The following GPC5 variants were observed in gnomAD, a reference collection of about 807,000 sequenced individuals.
GPC5 encodes glypican-5.
GPC5 carries 47 observed loss-of-function variants against 53.9 expected under a neutral mutation model. The observed-to-expected ratio is 0.87, with a 90% CI of 0.69 to 1.11. GPC5 has a LOEUF of 1.11. GPC5 is among the 50% of genes most tolerant of loss of function. The probability of loss-of-function intolerance (pLI) is 0.00; values close to 1 mark genes in which losing one functional copy is unlikely to be tolerated. For synonymous variants in GPC5, 286 were observed against 263.3 expected (o/e 1.09, Z -0.84); for missense variants, 748 against 713.1 (o/e 1.05, Z -0.56).
At chr13:92,370,831 C>A (rs2043644365) in intron 7 of GPC5, among the ~76,000 whole-genome samples, 1 of 151,972 alleles carries the variant, frequency 6.6e-6, no homozygotes, top group African/African-American at 2.4e-5. Context: ...ACTTATATTT[C>A]AGAACACATT....
intron 5 of GPC5, among the ~76,000 whole-genome samples, chr13:91,814,844 G>A (rs2038375820): frequency 6.6e-6 from 1 of 152,110 alleles, no homozygotes; most frequent in African/African-American, 2.4e-5. Flanking sequence ...CCTGGCCACA[G>A]CTTTATTTTT....
chr13:92,423,894 T>G (rs1876700884), intron 7 of GPC5, among the ~76,000 whole-genome samples: 1 of 152,158 alleles, frequency 6.6e-6, no homozygotes, highest in African/African-American at 2.4e-5. Context: ...CAGAGCCGCG[T>G]TAAACAGATA....
At chr13:91,542,634 G>C (rs898641715) in intron 2 of GPC5, among the ~76,000 whole-genome samples, 1 of 152,112 alleles carries the variant, frequency 6.6e-6, no homozygotes, top group East Asian at 1.9e-4. Context: ...CTTAGGGCTC[G>C]TCATGTGTTC....
At chr13:92,128,281 G>C (rs1380602701) in intron 6 of GPC5, among the ~76,000 whole-genome samples, 1 of 152,052 alleles carries the variant, frequency 6.6e-6, no homozygotes, top group African/African-American at 2.4e-5. Flanking sequence ...TATAGAGAGT[G>C]GTTCATAGTA....
intron 7 of GPC5, among the ~76,000 whole-genome samples, chr13:92,513,068 T>C (rs1344678570): frequency 6.6e-6 from 1 of 152,352 alleles, no homozygotes; most frequent in Non-Finnish European, 1.5e-5. Flanking sequence ...TGTACCTTTG[T>C]GCTGGTGTAT....
intron 7 of GPC5, among the ~76,000 whole-genome samples, chr13:92,203,308 T>C (rs2042308083): frequency 6.7e-6 from 1 of 149,424 alleles, no homozygotes; most frequent in East Asian, 2.0e-4. Flanking sequence ...TATGCAGACA[T>C]AAAAAATGAT....
intron 7 of GPC5, among the ~76,000 whole-genome samples, chr13:92,385,782 T>TAC (rs199814375): frequency 0.035 from 4,156 of 117,718 alleles, 145 homozygotes; most frequent in East Asian, 0.16. Context: ...TATACATATA[T>TAC]GTATATATAT....
At chr13:92,024,613 A>G (rs2040785981) in intron 6 of GPC5, among the ~76,000 whole-genome samples, 1 of 152,152 alleles carries the variant, frequency 6.6e-6, no homozygotes, top group African/African-American at 2.4e-5. Flanking sequence ...AGAGTGGTAT[A>G]TTAAGATTCT....
In GPC5 at chr13:91,563,362, G is replaced by A. The variant is rs150840888; in HGVS notation, c.325+114440G>A. Among the ~76,000 whole-genome samples, 398 of 152,146 alleles carry A rather than the reference G, an allele frequency of 2.6e-3. 2 individuals are homozygous for A. Among genetic ancestry groups the A allele is most frequent in the African/African-American group, 8.4e-3 (349 of 41,516 alleles). On this transcript the variant is annotated intron_variant, in intron 2 of 7. Coordinates refer to ENST00000377067, the MANE Select transcript of GPC5 (RefSeq NM_004466.6). ...ATCGGGAATTATGATTTGCTGTTCC[G>A]TGTAGTAGCAATTAAAAAAAATTCT...
chr13:92,543,370 A>G (rs1881990086), intron 7 of GPC5, among the ~76,000 whole-genome samples: 2 of 151,892 alleles, frequency 1.3e-5, no homozygotes, highest in Admixed American at 6.6e-5. Context: ...ATTTTGTTGA[A>G]TTGTCTCTGT....
intron 7 of GPC5, among the ~76,000 whole-genome samples, chr13:92,449,791 CAA>C (rs1028969471): frequency 2.7e-5 from 3 of 113,190 alleles, no homozygotes; most frequent in African/African-American, 8.8e-5. Context: ...ATTGAAAAAA[CAA>C]AAAATTATTT....
intron 5 of GPC5, among the ~76,000 whole-genome samples, chr13:91,764,866 T>A (rs1462663927): frequency 1.3e-5 from 2 of 152,224 alleles, no homozygotes; most frequent in Admixed American, 6.5e-5. Flanking sequence ...GGTAATTTTA[T>A]GATCTCTCAT....
intron 2 of GPC5, among the ~76,000 whole-genome samples, chr13:91,456,902 C>T (rs1488040953): frequency 1.4e-5 from 2 of 145,548 alleles, no homozygotes; most frequent in Non-Finnish European, 3.0e-5. Flanking sequence ...ATTATTATTT[C>T]TATGCAGTAA....
chr13:92,481,595 C>G (rs1400873549), intron 7 of GPC5, among the ~76,000 whole-genome samples: 1 of 152,180 alleles, frequency 6.6e-6, no homozygotes, highest in Non-Finnish European at 1.5e-5. Context: ...CAGAATTAGG[C>G]TGCATGACCA....
intron 6 of GPC5, among the ~76,000 whole-genome samples, chr13:92,019,587 C>T (rs1006994101): frequency 1.1e-4 from 16 of 152,146 alleles, no homozygotes; most frequent in South Asian, 6.2e-4. Context: ...TGTGAACAGG[C>T]TGGTCTAAAA....
At chr13:92,333,842 A>T (rs989241606) in intron 7 of GPC5, among the ~76,000 whole-genome samples, 1 of 152,122 alleles carries the variant, frequency 6.6e-6, no homozygotes, top group African/African-American at 2.4e-5. Flanking sequence ...GAATTTTAAC[A>T]AATATGATTA....
intron 7 of GPC5, among the ~76,000 whole-genome samples, chr13:92,460,690 G>A (rs1878443415): frequency 6.6e-6 from 1 of 152,096 alleles, no homozygotes; most frequent in African/African-American, 2.4e-5. Flanking sequence ...CTATCAGGAA[G>A]GTCAAGTTGA....
At chr13:92,778,180 A>T (rs562520149) in intron 7 of GPC5, among the ~76,000 whole-genome samples, 5 of 152,222 alleles carry the variant, frequency 3.3e-5, no homozygotes, top group Non-Finnish European at 7.3e-5. Flanking sequence ...AAATTCAAAT[A>T]ACCTGCCTAA....
At chr13:92,311,758 C>T (rs1159026825) in intron 7 of GPC5, among the ~76,000 whole-genome samples, 1 of 152,164 alleles carries the variant, frequency 6.6e-6, no homozygotes, top group Admixed American at 6.5e-5. Context: ...CTGGGTCCAT[C>T]CCATGACATG....
Sources: allele counts gnomAD v4.1 joint callset (sites outside exome capture counted in the v4.1 genomes callset), GRCh38; gene constraint gnomAD v4.1.1; transcripts MANE v1.5; gene names NCBI Gene and HGNC (gene_info 2026-07-23, HGNC 2026-07-21).